The following USP24 variants were observed in gnomAD, a reference collection of about 807,000 sequenced individuals.
USP24 encodes the protein ubiquitin carboxyl-terminal hydrolase 24.
Under a neutral mutation model 361.6 loss-of-function variants are expected in USP24, and 97 were observed. The observed-to-expected ratio is 0.27, with a 90% CI of 0.23 to 0.32. The LOEUF is 0.32. Ranked by LOEUF, USP24 falls within the 10% of genes least tolerant of loss-of-function variation. USP24 has a pLI of 1.00. For synonymous variants in USP24, 1,098 were observed against 1,124.6 expected (o/e 0.98, Z 0.47); for missense variants, 2,353 against 3,165.6 (o/e 0.74, Z 6.16).
intron 38 of USP24, among the ~76,000 whole-genome samples, chr1:55,116,473 T>C (rs188165932): frequency 6.6e-6 from 1 of 151,396 alleles, no homozygotes; most frequent in Non-Finnish European, 1.5e-5. Context: ...AACTCAGAAA[T>C]GAAAGTGGGT....
At chr1:55,179,234 C>T (rs1015525995) in intron 1 of USP24, among the ~76,000 whole-genome samples, 2 of 152,164 alleles carry the variant, frequency 1.3e-5, no homozygotes, top group African/African-American at 4.8e-5. Flanking sequence ...CCTCCTAGAA[C>T]AGCACACTCT....
chr1:55,116,604 T>C (rs972499900), intron 38 of USP24, among the ~76,000 whole-genome samples: 3 of 151,448 alleles, frequency 2.0e-5, no homozygotes, highest in Admixed American at 6.6e-5. Context: ...CCTACCACGA[T>C]TGAATCAGGA....
At chr1:55,089,036 C>T (rs1480903222) in intron 55 of USP24, among the ~76,000 whole-genome samples, 1 of 151,818 alleles carries the variant, frequency 6.6e-6, no homozygotes, top group Non-Finnish European at 1.5e-5. Flanking sequence ...CCTCAGCCTC[C>T]CAAGTAGCTA....
chr1:55,119,403 C>T lies in USP24; in HGVS notation c.4508+1193G>A, dbSNP rs182783764. On this transcript the variant is annotated intron_variant, in intron 38 of 67. Coordinates refer to ENST00000294383, the MANE Select transcript of USP24 (RefSeq NM_015306.3). The stretch of plus-strand genomic sequence containing the variant: ...AGACAGAAAGTAGAATGGTGGTTGC[C>T]GTGGGATGGGGGAGGGGGAACAGGG... 3.7e-3 allele frequency among the ~76,000 whole-genome samples: 566 copies of T among 151,898 alleles called. 3 individuals carry two copies. Among genetic ancestry groups the T allele is most frequent in the African/African-American group, 0.013 (536 of 41,392 alleles).
chr1:55,155,784 A>G (rs1647590548), intron 12 of USP24, among the ~76,000 whole-genome samples: 1 of 152,174 alleles, frequency 6.6e-6, no homozygotes, highest in African/African-American at 2.4e-5. Context: ...GCTTAGGTTC[A>G]GAGTGGATGC....
chr1:55,148,551 G>A lies in USP24; in HGVS notation c.1880C>T (p.Pro627Leu). 6.3e-7 allele frequency: 1 copy of A among 1,585,984 alleles called. No individual in the cohort carries two copies. Among genetic ancestry groups the A allele is most frequent in the Non-Finnish European group, 8.6e-7 (1 of 1,165,000 alleles). The part of the protein sequence containing the change: ...DGFKSSQLNN[P>L]QFVWVVPALR... ...AGCTGGTACCACCCATACAAACTGGGGATTATTAAGCTGAGATGACTAGAG... is the reference window on the plus strand; with the variant it reads ...AGCTGGTACCACCCATACAAACTGGAGATTATTAAGCTGAGATGACTAGAG... The change falls in exon 17 of 68, where the codon CCC becomes CTC. Residue 627 changes from proline to leucine, a missense_variant. Pro to Leu is a moderately conservative substitution (Grantham distance 98). Around this residue, in one of 8 missense-constraint regions of USP24, gnomAD observed 386 missense variants for 560.5 expected, o/e 0.69. Transcript: ENST00000294383.
intron 1 of USP24, among the ~76,000 whole-genome samples, chr1:55,208,975 C>G (rs1002664342): frequency 6.6e-6 from 1 of 151,878 alleles, no homozygotes; most frequent in Non-Finnish European, 1.5e-5. Context: ...AATAATGTCA[C>G]CTACTATCAA....
At chr1:55,092,544 A>G (rs1645405986) in intron 53 of USP24, among the ~76,000 whole-genome samples, 1 of 152,254 alleles carries the variant, frequency 6.6e-6, no homozygotes, top group Non-Finnish European at 1.5e-5. Context: ...ATGAGCTCAC[A>G]GTTATAGCTA....
intron 1 of USP24, among the ~76,000 whole-genome samples, chr1:55,207,746 C>T (rs1644748309): frequency 6.6e-6 from 1 of 152,124 alleles, no homozygotes; most frequent in African/African-American, 2.4e-5. Flanking sequence ...CAAGGGACAA[C>T]TGTATCGTAT....
At chr1:55,070,909 G>C (rs952646277) in intron 67 of USP24, among the ~76,000 whole-genome samples, 33 of 152,194 alleles carry the variant, frequency 2.2e-4, no homozygotes, top group Non-Finnish European at 3.7e-4. Flanking sequence ...CAGGAGAGGA[G>C]ACAAGAACAG....
At chr1:55,088,816 T>C (rs980947147) in intron 55 of USP24, among the ~76,000 whole-genome samples, 1 of 152,158 alleles carries the variant, frequency 6.6e-6, no homozygotes, top group African/African-American at 2.4e-5. Flanking sequence ...TAAACATTCA[T>C]AGTGATTGGA....
chr1:55,159,348 T>A lies in USP24; in HGVS notation c.1068+263A>T, dbSNP rs557130631. Among the ~76,000 whole-genome samples the A allele has an allele frequency of 5.3e-5, 8 of 152,344 alleles. No individual in the cohort carries two copies. The East Asian group carries it at 1.4e-3, about 26-fold the overall frequency. The stretch of plus-strand genomic sequence containing the variant: ...ATTTTAAAACTTTCTCTATGCCAAT[T>A]GTGATACCATCAAAATCATGTTAGT... On this transcript the variant is annotated intron_variant, in intron 9 of 67. Coordinates refer to ENST00000294383, the MANE Select transcript of USP24 (RefSeq NM_015306.3).
chr1:55,176,260 G>A (rs1480506400), intron 3 of USP24, 116 bp downstream of exon 3: 1 of 738,634 alleles, frequency 1.4e-6, no homozygotes, highest in Non-Finnish European at 2.1e-6. Context: ...AGTTAAACAA[G>A]ATTCATAAAC....
rs1644845705 is a variant in USP24 at position 55,067,589 on chromosome 1, CCTGG to C, written c.*1452_*1455del. On this transcript the variant is annotated 3_prime_UTR_variant, in exon 68 of 68. Coordinates refer to ENST00000294383, the MANE Select transcript of USP24 (RefSeq NM_015306.3). ...GAGCACAGTAATGAGATGCCATCTG[CCTGG>C]CCACATGCCCACACAATGCCACAGC... 1 of 152,218 alleles carries C rather than the reference CCTGG, an allele frequency of 6.6e-6. No homozygotes were observed. Among genetic ancestry groups the C allele is most frequent in the African/African-American group, 2.4e-5 (1 of 41,444 alleles). 9.4% of individuals were successfully genotyped at this position (152,218 alleles called of 1,614,324 possible).
intron 54 of USP24, among the ~76,000 whole-genome samples, chr1:55,090,040 A>T (rs1570374683): frequency 6.6e-6 from 1 of 152,322 alleles, no homozygotes; most frequent in African/African-American, 2.4e-5. Context: ...CATCTTCATC[A>T]AACAACTCGA....
At chr1:55,121,636 T>C (rs1646284201) in intron 36 of USP24, 130 bp from the exon 37 acceptor site, 2 of 697,690 alleles carry the variant, frequency 2.9e-6, no homozygotes, top group African/African-American at 1.8e-5. Context: ...TTCAGGACCT[T>C]TTACAATTGC....
In USP24 at chr1:55,072,922, T is replaced by C. The variant is rs146301449; in HGVS notation, c.7527-61A>G. The C allele has an allele frequency of 1.7e-4, 248 of 1,460,368 alleles. 2 individuals are homozygous for C. In the East Asian group the frequency reaches 5.2e-3, roughly 31 times the overall value. The allele number at this position is 1,460,368 out of a possible 1,614,324, so 90.5% of individuals were successfully genotyped here. On this transcript the variant is annotated intron_variant, in intron 64 of 67. Coordinates refer to ENST00000294383, the MANE Select transcript of USP24 (RefSeq NM_015306.3). ...TTCTTTGCTTGTTCCTAGTGCTTCA[T>C]TTTGAAACGTAAATGCTAGTTTCAT...
At chr1:55,200,756 T>C (rs564034274) in intron 1 of USP24, among the ~76,000 whole-genome samples, 2 of 152,324 alleles carry the variant, frequency 1.3e-5, no homozygotes, top group East Asian at 3.9e-4. Context: ...AATGACATCC[T>C]CTGCAAATCT....
intron 1 of USP24, among the ~76,000 whole-genome samples, chr1:55,185,172 C>T (rs554145048): frequency 1.5e-4 from 23 of 152,022 alleles, no homozygotes; most frequent in South Asian, 4.2e-4. Flanking sequence ...AGGCTGATCT[C>T]GAACTCCTAG....
Sources: gnomAD v4.1 joint callset for allele counts (sites outside exome capture counted in the v4.1 genomes callset) on GRCh38, gnomAD v4.1.1 for gene constraint, gnomAD v4.1.1 regional missense constraint, MANE v1.5 for transcripts, NCBI Gene and HGNC (gene_info 2026-07-23, HGNC 2026-07-21) for gene names.